PLA2G4A: variants seen among roughly 807,000 people sequenced by gnomAD.
PLA2G4A encodes phospholipase A2 group IVA, also known as cytosolic phospholipase A2.
A neutral mutation model predicts 81.9 loss-of-function variants in PLA2G4A; 40 were observed. The observed-to-expected ratio is 0.49, with a 90% confidence interval of 0.38 to 0.64. The LOEUF is 0.64. PLA2G4A is among the 30% of genes least tolerant of loss of function. The pLI is 0.00. For synonymous variants in PLA2G4A, 302 were observed against 296.9 expected, an observed-to-expected ratio of 1.02 and a Z score of -0.18; for missense variants, 715 against 905.1, an observed-to-expected ratio of 0.79 and a Z score of 2.69.
Position 186,830,608 on chromosome 1 carries a change from C to CAAAAAAAAAAAA in PLA2G4A, c.-70+1586_-70+1597dup, listed in dbSNP as rs55745208. On this transcript the variant is annotated intron_variant, in intron 1 of 17. Transcript: ENST00000367466. ...GAGCGAAAACAGCGAAGCTCTGTCTCAAAAAAAAAAAAAAAAAAAAAAAAG... is the reference window on the plus strand; with the variant it reads ...GAGCGAAAACAGCGAAGCTCTGTCTCAAAAAAAAAAAAAAAAAAAAAAAAAAAAAAAAAAAAG... Among the ~76,000 whole-genome samples, 273 of 72,648 alleles carry CAAAAAAAAAAAA rather than the reference C, an allele frequency of 3.8e-3. 20 individuals are homozygous for CAAAAAAAAAAAA. Among genetic ancestry groups the CAAAAAAAAAAAA allele is most frequent in the African/African-American group, 0.012 (222 of 18,566 alleles). 47.7% of individuals were successfully genotyped at this position (72,648 alleles called of 152,430 possible).
At chr1:186,854,084 T>C (rs977629227) in intron 1 of PLA2G4A, among the ~76,000 whole-genome samples, 3 of 152,046 alleles carry the variant, frequency 2.0e-5, no homozygotes, top group Non-Finnish European at 4.4e-5. Flanking sequence ...AACAAGTAAA[T>C]ATGGAAAATA....
chr1:186,954,339 G>T (rs1029543874), intron 13 of PLA2G4A, among the ~76,000 whole-genome samples: 1 of 151,998 alleles, frequency 6.6e-6, no homozygotes, highest in Non-Finnish European at 1.5e-5. Flanking sequence ...CTATCACAAA[G>T]ACAGAAAACC....
At chr1:186,845,872 T>C (rs1399945929) in intron 1 of PLA2G4A, among the ~76,000 whole-genome samples, 1 of 152,116 alleles carries the variant, frequency 6.6e-6, no homozygotes, top group African/African-American at 2.4e-5. Flanking sequence ...TCTATCCAAA[T>C]TTCCCTCTCA....
chr1:186,958,735 A>G (rs1656841606), intron 14 of PLA2G4A, among the ~76,000 whole-genome samples: 1 of 152,088 alleles, frequency 6.6e-6, no homozygotes, highest in Admixed American at 6.6e-5. Context: ...TTTGTTTTAC[A>G]TTATTACTTG....
intron 3 of PLA2G4A, among the ~76,000 whole-genome samples, chr1:186,877,264 T>C (rs964130664): frequency 5.9e-5 from 9 of 151,970 alleles, no homozygotes; most frequent in African/African-American, 2.2e-4. Flanking sequence ...TTGGGAGATA[T>C]TGAGATATAG....
chr1:186,945,332 G>A (rs1425628846), intron 10 of PLA2G4A, among the ~76,000 whole-genome samples: 2 of 152,172 alleles, frequency 1.3e-5, no homozygotes, highest in East Asian at 1.9e-4. Flanking sequence ...ACATCACACA[G>A]GGAGTGGGAT....
At chr1:186,934,237 A>G (rs1655850701) in intron 8 of PLA2G4A, among the ~76,000 whole-genome samples, 1 of 151,852 alleles carries the variant, frequency 6.6e-6, no homozygotes, top group Non-Finnish European at 1.5e-5. Context: ...CATCACTGAC[A>G]ACTGGAAGAA....
chr1:186,946,174 G>C (rs922834178), intron 10 of PLA2G4A, among the ~76,000 whole-genome samples: 2 of 152,160 alleles, frequency 1.3e-5, no homozygotes, highest in Non-Finnish European at 2.9e-5. Flanking sequence ...AGTTAGAATA[G>C]ACAGTTAGTG....
chr1:186,924,903 T>A (rs895129658), intron 7 of PLA2G4A, among the ~76,000 whole-genome samples: 3 of 151,840 alleles, frequency 2.0e-5, no homozygotes, highest in African/African-American at 4.8e-5. Context: ...TACAAAAAAA[T>A]TAGGTATGGT....
intron 7 of PLA2G4A, among the ~76,000 whole-genome samples, chr1:186,932,548 G>A (rs533471064): frequency 1.3e-5 from 2 of 152,044 alleles, no homozygotes; most frequent in African/African-American, 2.4e-5. Flanking sequence ...TGATGCACCC[G>A]CCTCGGCCTC....
Position 186,851,551 on chromosome 1 carries a change from G to A in PLA2G4A, c.-69-2735G>A, listed in dbSNP as rs139342129. On this transcript the variant is annotated intron_variant, in intron 1 of 17. Transcript: ENST00000367466. ...CTCATACTTTGAATTTAGTTGGCACGAAAACATCAGCCATACTAGTAGAAA... is the reference window on the plus strand; with the variant it reads ...CTCATACTTTGAATTTAGTTGGCACAAAAACATCAGCCATACTAGTAGAAA... Among the ~76,000 whole-genome samples the A allele has an allele frequency of 5.3e-5, 8 of 152,044 alleles. No individual in the cohort carries two copies. The East Asian group carries it at 1.2e-3, about 22-fold the overall frequency.
intron 7 of PLA2G4A, among the ~76,000 whole-genome samples, chr1:186,914,530 G>T (rs1422766789): frequency 6.6e-6 from 1 of 152,130 alleles, no homozygotes; most frequent in Non-Finnish European, 1.5e-5. Context: ...CTCTAAGGGG[G>T]TCAGCTTGAG....
chr1:186,923,926 AAGTT>A (rs1279272246), intron 7 of PLA2G4A, among the ~76,000 whole-genome samples: 4 of 152,228 alleles, frequency 2.6e-5, no homozygotes, highest in Non-Finnish European at 4.4e-5. Flanking sequence ...GAGAAATAAA[AAGTT>A]AGGAGATGAC....
rs529571085 is a variant in PLA2G4A, at chr1:186,945,050, GA to G, written c.1034-1578del. ...TATAATTTCAGAAAGAGAAAAGCTA[GA>G]AAAAAAAATGAAGTGGGTTAGAGAA... is the stretch of plus-strand genomic sequence containing the variant. On this transcript the variant is annotated intron_variant, in intron 10 of 17. Coordinates refer to ENST00000367466, the MANE Select transcript of PLA2G4A (RefSeq NM_024420.3). Among the ~76,000 whole-genome samples the G allele has an allele frequency of 1.0e-3, 157 of 151,416 alleles. No homozygotes were observed. In the South Asian group the frequency reaches 0.018, roughly 18 times the overall value.
chr1:186,860,508 T>C (rs991344469), intron 2 of PLA2G4A, among the ~76,000 whole-genome samples: 2 of 152,188 alleles, frequency 1.3e-5, no homozygotes, highest in Non-Finnish European at 2.9e-5. Flanking sequence ...AATTGGGTGA[T>C]GCCCAACTGC....
chr1:186,851,820 A>C (rs1391653923), intron 1 of PLA2G4A, among the ~76,000 whole-genome samples: 1 of 152,066 alleles, frequency 6.6e-6, no homozygotes, highest in African/African-American at 2.4e-5. Flanking sequence ...TCAAAGACAC[A>C]ATACAGTATA....
At chr1:186,883,702 C>G (rs1031040859) in intron 3 of PLA2G4A, among the ~76,000 whole-genome samples, 3 of 151,992 alleles carry the variant, frequency 2.0e-5, no homozygotes, top group Non-Finnish European at 4.4e-5. Flanking sequence ...TAGGAAATCA[C>G]AAAATAATGA....
At chr1:186,918,376 T>C (rs1235797317) in intron 7 of PLA2G4A, among the ~76,000 whole-genome samples, 1 of 152,178 alleles carries the variant, frequency 6.6e-6, no homozygotes, top group Non-Finnish European at 1.5e-5. Context: ...CTTTTCCTTA[T>C]ATAATGCTCC....
intron 5 of PLA2G4A, among the ~76,000 whole-genome samples, chr1:186,895,167 G>T (rs1654291478): frequency 6.6e-6 from 1 of 152,048 alleles, no homozygotes; most frequent in Admixed American, 6.6e-5. Context: ...TTTTCCTCTT[G>T]TAAACTAAAA....
Sources: gnomAD v4.1 joint callset for allele counts (sites outside exome capture counted in the v4.1 genomes callset) on GRCh38, gnomAD v4.1.1 for gene constraint, MANE v1.5 for transcripts, NCBI Gene and HGNC (gene_info 2026-07-23, HGNC 2026-07-21) for gene names.